The following GRID2 variants were observed in gnomAD, a reference collection of about 807,000 sequenced individuals.
The protein encoded by GRID2 is glutamate receptor ionotropic, delta-2.
Under a neutral mutation model 114.8 loss-of-function variants are expected in GRID2, and 33 were observed. The ratio of observed to expected loss-of-function variants is 0.29; its 90% confidence interval spans 0.22 to 0.38. The LOEUF is 0.38. Among genes scored for constraint, GRID2 ranks in the 10% least tolerant of loss-of-function variants. The pLI is 1.00. For synonymous variants in GRID2, 505 were observed against 449.9 expected, an observed-to-expected ratio of 1.12 and a Z score of -1.55; for missense variants, 1,184 against 1,257.7, an observed-to-expected ratio of 0.94 and a Z score of 0.89.
At chr4:92,807,300 C>A (rs1192527451) in intron 2 of GRID2, among the ~76,000 whole-genome samples, 2 of 151,882 alleles carry the variant, frequency 1.3e-5, no homozygotes, top group Admixed American at 1.3e-4. Context: ...AAAGTGTACC[C>A]TTTGCTTATT....
intron 2 of GRID2, among the ~76,000 whole-genome samples, chr4:92,783,961 G>A (rs1273293294): frequency 6.6e-6 from 1 of 151,720 alleles, no homozygotes; most frequent in Non-Finnish European, 1.5e-5. Flanking sequence ...TTTGGTAATT[G>A]GGAAAAATTT....
At chr4:92,973,116 A>G (rs928548788) in intron 2 of GRID2, among the ~76,000 whole-genome samples, 4 of 152,152 alleles carry the variant, frequency 2.6e-5, no homozygotes, top group Admixed American at 1.3e-4. Context: ...TCCTTTGCAC[A>G]TGTGCCAAGT....
intron 14 of GRID2, among the ~76,000 whole-genome samples, chr4:93,768,873 G>C (rs535024973): frequency 1.3e-5 from 2 of 151,984 alleles, no homozygotes; most frequent in South Asian, 2.1e-4. Context: ...CCTCTGAATT[G>C]TGATTGTAAA....
At chr4:92,866,615 C>T (rs1009420493) in intron 2 of GRID2, among the ~76,000 whole-genome samples, 2 of 151,950 alleles carry the variant, frequency 1.3e-5, no homozygotes, top group South Asian at 2.1e-4. Flanking sequence ...ACGATCTCAG[C>T]TCACTGCAAG....
At chr4:92,454,145 T>C (rs959882796) in intron 1 of GRID2, among the ~76,000 whole-genome samples, 23 of 152,188 alleles carry the variant, frequency 1.5e-4, no homozygotes, top group African/African-American at 5.3e-4. Flanking sequence ...CTGCTATTAC[T>C]TACAAAATTT....
At chr4:92,400,077 A>G (rs1730714247) in intron 1 of GRID2, among the ~76,000 whole-genome samples, 1 of 152,176 alleles carries the variant, frequency 6.6e-6, no homozygotes. Flanking sequence ...TGTCTCATTC[A>G]CATTTTAAAT....
chr4:93,691,729 G>T (rs1257804365), intron 14 of GRID2, among the ~76,000 whole-genome samples: 1 of 151,852 alleles, frequency 6.6e-6, no homozygotes, highest in Non-Finnish European at 1.5e-5. Flanking sequence ...ATAAATTATA[G>T]TATCTATTAC....
chr4:92,540,483 G>A (rs2149161943), intron 1 of GRID2, among the ~76,000 whole-genome samples: 1 of 152,190 alleles, frequency 6.6e-6, no homozygotes, highest in Non-Finnish European at 1.5e-5. Flanking sequence ...GTGGGCAAAG[G>A]ATATGAACAG....
At chr4:93,608,105 TACAC>T (rs35809084) in intron 13 of GRID2, among the ~76,000 whole-genome samples, 4 of 148,202 alleles carry the variant, frequency 2.7e-5, no homozygotes, top group Admixed American at 6.8e-5. Flanking sequence ...TATGTATATA[TACAC>T]ACACACATAT....
intron 14 of GRID2, among the ~76,000 whole-genome samples, chr4:93,696,354 C>G (rs1372858679): frequency 6.6e-6 from 1 of 152,186 alleles, no homozygotes. Context: ...ATCAACTGCT[C>G]AATTTAACAC....
rs1161135870 is a variant in GRID2, at chr4:93,316,285, A to G, written c.1245+77795A>G. The stretch of plus-strand genomic sequence containing the variant: ...AGAAAGAGAAAGAAAGAAAAGAACG[A>G]AAGAACGAAAGAAAGAAAGAAAGAA... On this transcript the variant is annotated intron_variant, in intron 8 of 15. Transcript: ENST00000282020. Among the ~76,000 whole-genome samples, 6 of 49,412 alleles carry G rather than the reference A, an allele frequency of 1.2e-4. No individual in the cohort carries two copies. In the East Asian group the frequency reaches 7.2e-3, roughly 60 times the overall value. The allele number at this position is 49,412 out of a possible 152,430, so 32.4% of individuals were successfully genotyped here.
At chr4:93,595,320 G>A (rs1215070948) in intron 13 of GRID2, among the ~76,000 whole-genome samples, 7 of 152,138 alleles carry the variant, frequency 4.6e-5, no homozygotes, top group Admixed American at 4.6e-4. Context: ...TCATAATTGT[G>A]TGTGTATGCC....
chr4:92,479,466 AT>A (rs1722475728), intron 1 of GRID2, among the ~76,000 whole-genome samples: 1 of 152,174 alleles, frequency 6.6e-6, no homozygotes. Flanking sequence ...AACTATATTA[AT>A]CAACAAATAT....
intron 1 of GRID2, among the ~76,000 whole-genome samples, chr4:92,327,941 G>A (rs187099528): frequency 1.4e-4 from 21 of 151,976 alleles, no homozygotes; most frequent in African/African-American, 4.6e-4. Flanking sequence ...AAGATGATGC[G>A]CTGTGTTAAG....
intron 1 of GRID2, among the ~76,000 whole-genome samples, chr4:92,352,283 A>G (rs1006193180): frequency 1.2e-4 from 18 of 151,636 alleles, no homozygotes; most frequent in Non-Finnish European, 2.7e-4. Context: ...GGCTATTTCT[A>G]TGTCTTCTTT....
intron 14 of GRID2, among the ~76,000 whole-genome samples, chr4:93,670,108 AT>A (rs1377206237): frequency 4.6e-5 from 7 of 152,094 alleles, no homozygotes; most frequent in Admixed American, 4.6e-4. Context: ...AAAAAGCATA[AT>A]TTTTCACTTT....
chr4:92,313,079 ATATGTGTGTG>A lies in GRID2; in HGVS notation c.88+8337_88+8346del, dbSNP rs1349977655. ...AGAATGAGTGGATAAAGAAACTCTG[ATATGTGTGTG>A]TGTGTGTGTGTGTGTGTGTGTGTGT... On this transcript the variant is annotated intron_variant, in intron 1 of 15. Coordinates refer to ENST00000282020, the MANE Select transcript of GRID2 (RefSeq NM_001510.4). 4.8e-4 allele frequency among the ~76,000 whole-genome samples: 51 copies of A among 105,446 alleles called. 1 individual carries two copies. Among genetic ancestry groups the A allele is most frequent in the African/African-American group, 1.9e-3 (48 of 25,024 alleles). The allele number at this position is 105,446 out of a possible 152,430, so 69.2% of individuals were successfully genotyped here.
At chr4:93,279,574 C>T (rs991468046) in intron 8 of GRID2, among the ~76,000 whole-genome samples, 2 of 151,816 alleles carry the variant, frequency 1.3e-5, no homozygotes, top group East Asian at 3.9e-4. Context: ...AATACATAAT[C>T]TATTATGAGT....
intron 2 of GRID2, among the ~76,000 whole-genome samples, chr4:92,953,348 C>T (rs932760303): frequency 2.6e-5 from 4 of 152,110 alleles, no homozygotes; most frequent in African/African-American, 4.8e-5. Flanking sequence ...AGATTACATT[C>T]ACTGAAAGCT....
Sources: allele counts gnomAD v4.1 joint callset (sites outside exome capture counted in the v4.1 genomes callset), GRCh38; gene constraint gnomAD v4.1.1; transcripts MANE v1.5; gene names NCBI Gene and HGNC (gene_info 2026-07-23, HGNC 2026-07-21).